MYL12A: variants seen among roughly 807,000 people sequenced by gnomAD.
MYL12A encodes the protein myosin regulatory light chain 12A.
Under a neutral mutation model 13.3 loss-of-function variants are expected in MYL12A, and 11 were observed. The ratio of observed to expected loss-of-function variants is 0.83; its 90% confidence interval spans 0.52 to 1.37. MYL12A has a LOEUF of 1.37. MYL12A is among the 40% of genes most tolerant of loss of function. The pLI is 0.00. For synonymous variants in MYL12A, 51 were observed against 69.9 expected, an observed-to-expected ratio of 0.73 and a Z score of 1.35; for missense variants, 146 against 212.3, an observed-to-expected ratio of 0.69 and a Z score of 1.94.
rs755800283 is a variant in MYL12A at position 3,253,461 on chromosome 18, T to G, written c.181+33T>G. On this transcript the variant is annotated intron_variant, in intron 2 of 3. Transcript: ENST00000217652. Reference sequence around the variant, plus strand: ...TCAGTTTAAATATTAATCTATTGGATAGAATTTCCATGGTGCCTTTCATCT... The same window carrying G: ...TCAGTTTAAATATTAATCTATTGGAGAGAATTTCCATGGTGCCTTTCATCT... 6 of 1,599,910 alleles carry G rather than the reference T, an allele frequency of 3.8e-6. No homozygotes were observed. In the East Asian group the frequency reaches 1.3e-4, roughly 36 times the overall value.
chr18:3,253,983 G>C lies in MYL12A; in HGVS notation c.276G>C (p.Lys92Asn), dbSNP rs747608225. ...TGTTCCTCACCATGTTTGGTGAGAA[G>C]TTAAATGGCACAGATCCTGAAGATG... ...FTMFLTMFGE[K>N]LNGTDPEDVI... The change falls in exon 3 of 4, where the codon AAG becomes AAC. Residue 92 changes from lysine to asparagine, a missense_variant. Lys to Asn is a moderately conservative substitution (Grantham distance 94). Coordinates refer to ENST00000217652, the MANE Select transcript of MYL12A (RefSeq NM_006471.4). 1 of 1,613,938 alleles carries C rather than the reference G, an allele frequency of 6.2e-7. No individual in the cohort carries two copies. The highest frequency in any genetic ancestry group is 1.7e-5 in the Admixed American group (1 of 60,008).
At chr18:3,251,692 G>C (rs1262885842) in intron 1 of MYL12A, among the ~76,000 whole-genome samples, 5 of 152,068 alleles carry the variant, frequency 3.3e-5, no homozygotes, top group Non-Finnish European at 1.5e-5. Context: ...TACCCCCAAA[G>C]GTGTTATAGA....
rs184922760 is a variant in MYL12A at position 3,255,731 on chromosome 18, T to A, written c.344-15T>A. The A allele has an allele frequency of 6.2e-6, 10 of 1,608,394 alleles. No individual in the cohort carries two copies. The East Asian group carries it at 2.0e-4, about 32-fold the overall frequency. On this transcript the variant is annotated splice_polypyrimidine_tract_variant and intron_variant, in intron 3 of 3. Transcript: ENST00000217652. ...GAATAGTATGTATTCTGATCCCTTG[T>A]TCTTTATTCTCCAGGCACCATACAG... is the stretch of plus-strand genomic sequence containing the variant.
intron 1 of MYL12A, chr18:3,252,438 A>G: frequency 1.5e-6 from 2 of 1,329,016 alleles, no homozygotes; most frequent in South Asian, 3.3e-5. Context: ...GTATTATTAG[A>G]CATTCTTTTT....
chr18:3,256,002 G>T lies in MYL12A; in HGVS notation c.*84G>T. On this transcript the variant is annotated 3_prime_UTR_variant, in exon 4 of 4. Transcript: ENST00000217652. ...TCTCTTGCATGCCCTTAGCTTTACAGCTTTTGCATTTCCTGTTGTATTTAT... is the reference window on the plus strand; with the variant it reads ...TCTCTTGCATGCCCTTAGCTTTACATCTTTTGCATTTCCTGTTGTATTTAT... 6.7e-7 allele frequency: 1 copy of T among 1,503,120 alleles called. No individual in the cohort carries two copies. Among genetic ancestry groups the T allele is most frequent in the Non-Finnish European group, 9.0e-7 (1 of 1,112,986 alleles). 93.1% of individuals were successfully genotyped at this position (1,503,120 alleles called of 1,614,324 possible).
At chr18:3,250,447 A>C (rs2081473508) in intron 1 of MYL12A, among the ~76,000 whole-genome samples, 1 of 152,174 alleles carries the variant, frequency 6.6e-6, no homozygotes, top group African/African-American at 2.4e-5. Context: ...GACTCCCTCC[A>C]CCATTATTTA....
intron 1 of MYL12A, among the ~76,000 whole-genome samples, chr18:3,251,196 A>G (rs1004899735): frequency 4.6e-5 from 7 of 152,158 alleles, no homozygotes; most frequent in East Asian, 3.8e-4. Context: ...TACATTTACA[A>G]TTCAAAAAAG....
intron 1 of MYL12A, chr18:3,248,576 A>G (rs1422934237): frequency 6.6e-6 from 1 of 152,252 alleles, no homozygotes; most frequent in Non-Finnish European, 1.5e-5. Flanking sequence ...TGGATTTAGC[A>G]GAGATTTTAA....
chr18:3,252,312 A>G, intron 1 of MYL12A: 2 of 1,533,480 alleles, frequency 1.3e-6, no homozygotes, highest in South Asian at 2.4e-5. Context: ...TCTTCCCTGC[A>G]ACTCTGAAGG....
chr18:3,253,962 C>T lies in MYL12A; in HGVS notation c.255C>T (p.Phe85=), dbSNP rs934429594. 30 of 1,613,714 alleles carry T rather than the reference C, an allele frequency of 1.9e-5. No individual in the cohort carries two copies. Among genetic ancestry groups the T allele is most frequent in the Non-Finnish European group, 2.3e-5 (27 of 1,179,848 alleles). ...EAPGPINFTM[F]LTMFGEKLNG... The stretch of plus-strand genomic sequence containing the variant: ...CAGGCCCCATCAATTTCACCATGTT[C>T]CTCACCATGTTTGGTGAGAAGTTAA... Residue 85 remains phenylalanine (F), a synonymous_variant, in exon 3 of 4, where the codon TTC becomes TTT. Coordinates refer to ENST00000217652, the MANE Select transcript of MYL12A (RefSeq NM_006471.4).
intron 1 of MYL12A, chr18:3,249,328 T>G (rs1187398637): frequency 6.6e-6 from 1 of 152,196 alleles, no homozygotes; most frequent in Non-Finnish European, 1.5e-5. Flanking sequence ...GTCTAACATT[T>G]TCCTTAATCA....
chr18:3,254,958 G>A (rs1004731587), intron 3 of MYL12A, among the ~76,000 whole-genome samples: 2 of 152,166 alleles, frequency 1.3e-5, no homozygotes, highest in African/African-American at 4.8e-5. Flanking sequence ...CCAGTTATTT[G>A]GGAAATCTTA....
At chr18:3,250,529 G>T (rs2081474439) in intron 1 of MYL12A, among the ~76,000 whole-genome samples, 1 of 152,192 alleles carries the variant, frequency 6.6e-6, no homozygotes. Flanking sequence ...TGACTGTGCA[G>T]CCAAACTCCC....
chr18:3,250,830 C>G (rs2081477794), intron 1 of MYL12A, among the ~76,000 whole-genome samples: 1 of 152,016 alleles, frequency 6.6e-6, no homozygotes, highest in Non-Finnish European at 1.5e-5. Context: ...AATTATGTAC[C>G]ATGTTAGGAA....
At chr18:3,251,111 C>A in intron 1 of MYL12A, among the ~76,000 whole-genome samples, 1 of 149,414 alleles carries the variant, frequency 6.7e-6, no homozygotes. Flanking sequence ...TGAAGAAGAG[C>A]TCTATATGAG....
chr18:3,255,607 T>C, intron 3 of MYL12A, 139 bp from the exon 4 acceptor site: 1 of 1,094,114 alleles, frequency 9.1e-7, no homozygotes, highest in Non-Finnish European at 1.3e-6. Context: ...CTGTTTTAAG[T>C]AGGTGGACAC....
At position 3,254,153 on chromosome 18, in the gene MYL12A, T is replaced by C. The variant is rs2081515701; in HGVS notation, c.343+103T>C. ...TATGATAACGCTCTCAGGTTTGTAC[T>C]ACACCTATTTTTTTAGACAGAGTTC... On this transcript the variant is annotated intron_variant, in intron 3 of 3. Transcript: ENST00000217652. 8 of 1,307,670 alleles carry C rather than the reference T, an allele frequency of 6.1e-6. No homozygotes were observed. The Admixed American group carries it at 1.3e-4, about 21-fold the overall frequency. 81.0% of individuals were successfully genotyped at this position (1,307,670 alleles called of 1,614,324 possible).
At position 3,253,872 on chromosome 18, in the gene MYL12A, C is replaced by T. The variant is rs1167755412; in HGVS notation, c.182-17C>T. 1 of 1,586,818 alleles carries T rather than the reference C, an allele frequency of 6.3e-7. No individual in the cohort carries two copies. The highest frequency in any genetic ancestry group is 2.2e-5 in the East Asian group (1 of 44,666). On this transcript the variant is annotated splice_polypyrimidine_tract_variant and intron_variant, in intron 2 of 3. Transcript: ENST00000217652. ...ATTGTAATGTAATTAAAATTATGAC[C>T]CCTTTTAAAAATTTAGGGAAGAATC...
chr18:3,253,652 C>T, intron 2 of MYL12A: 1 of 677,976 alleles, frequency 1.5e-6, no homozygotes, highest in Non-Finnish European at 2.4e-6. Flanking sequence ...AAACACTGAT[C>T]TTGATTATGG....
Sources: gnomAD v4.1 joint callset for allele counts (sites outside exome capture counted in the v4.1 genomes callset) on GRCh38, gnomAD v4.1.1 for gene constraint, MANE v1.5 for transcripts, NCBI Gene and HGNC (gene_info 2026-07-23, HGNC 2026-07-21) for gene names.